COL24A1: variants seen among roughly 807,000 people sequenced by gnomAD.
The protein encoded by COL24A1 is collagen alpha-1(XXIV) chain.
Under a neutral mutation model 253.9 loss-of-function variants are expected in COL24A1, and 224 were observed. The observed-to-expected ratio is 0.88, with a 90% CI of 0.79 to 0.99. The LOEUF (loss-of-function observed/expected upper bound fraction) is 0.99, where lower values mean the gene tolerates loss of function less well. Ranked by LOEUF, COL24A1 falls within the 50% of genes least tolerant of loss-of-function variation. The pLI, the probability that COL24A1 is intolerant of heterozygous loss-of-function variation, is 0.00. For missense variants in COL24A1, 2,131 were observed against 2,068.5 expected (o/e 1.03, Z -0.59); for synonymous variants, 685 against 673.7 (o/e 1.02, Z -0.26).
rs150683608 is a variant in COL24A1 at position 86,040,546 on chromosome 1, G to A, written c.1950+6279C>T. Among the ~76,000 whole-genome samples, 992 of 141,572 alleles carry A rather than the reference G, an allele frequency of 7.0e-3. 14 individuals are homozygous for A. Among genetic ancestry groups the A allele is most frequent in the African/African-American group, 0.025 (951 of 37,770 alleles). 92.9% of individuals were successfully genotyped at this position (141,572 alleles called of 152,430 possible). A position where few individuals can be genotyped will look rare whatever the true frequency, so the allele number is the denominator to read the frequency against. Reference sequence around the variant, plus strand: ...ATAATTGCCATATTCCCATCCATTGGTGTCACATCTCTATGAAATCAATTA... The same window carrying A: ...ATAATTGCCATATTCCCATCCATTGATGTCACATCTCTATGAAATCAATTA... On this transcript the variant is annotated intron_variant, in intron 12 of 59. Transcript: ENST00000370571.
chr1:85,976,744 ATGACAAAATAACC>A (rs1435288107), intron 20 of COL24A1, among the ~76,000 whole-genome samples: 1 of 152,202 alleles, frequency 6.6e-6, no homozygotes, highest in African/African-American at 2.4e-5. Flanking sequence ...ATGGCAACTC[ATGACAAAATAACC>A]TGACAAAATA....
chr1:85,991,522 G>A (rs1057480632), intron 19 of COL24A1, among the ~76,000 whole-genome samples: 3 of 152,142 alleles, frequency 2.0e-5, no homozygotes, highest in African/African-American at 7.2e-5. Flanking sequence ...TGACCTGTGT[G>A]GTAGTTACAA....
intron 47 of COL24A1, among the ~76,000 whole-genome samples, chr1:85,807,924 A>C (rs910507255): frequency 6.6e-5 from 10 of 152,204 alleles, no homozygotes; most frequent in African/African-American, 2.4e-4. Flanking sequence ...TCAGAGTGGA[A>C]GCTTACGAGG....
At position 85,920,125 on chromosome 1, in the gene COL24A1, T is replaced by C. The variant is rs371236081; in HGVS notation, c.2563-8692A>G. The stretch of plus-strand genomic sequence containing the variant: ...GAGATGAGTAAAATATACTAAGGAG[T>C]TCAAAATCCAGTAAATTGGAATAAG... On this transcript the variant is annotated intron_variant, in intron 24 of 59. Transcript: ENST00000370571. 2.1e-3 allele frequency among the ~76,000 whole-genome samples: 317 copies of C among 152,112 alleles called. 4 individuals carry two copies. Among genetic ancestry groups the C allele is most frequent in the African/African-American group, 7.3e-3 (302 of 41,484 alleles).
intron 19 of COL24A1, among the ~76,000 whole-genome samples, chr1:85,993,512 G>GA (rs1162864253): frequency 6.6e-6 from 1 of 151,286 alleles, no homozygotes; most frequent in Non-Finnish European, 1.5e-5. Context: ...AATTAATCTC[G>GA]AGTGACAAAG....
intron 27 of COL24A1, among the ~76,000 whole-genome samples, chr1:85,907,509 C>T (rs1392360220): frequency 6.6e-6 from 1 of 151,854 alleles, no homozygotes; most frequent in Non-Finnish European, 1.5e-5. Flanking sequence ...CTGACCAAGT[C>T]GTTTTCAGAA....
intron 10 of COL24A1, among the ~76,000 whole-genome samples, chr1:86,053,280 C>T (rs1248366592): frequency 1.3e-5 from 2 of 152,032 alleles, no homozygotes; most frequent in Admixed American, 6.6e-5. Context: ...ATATACTTAT[C>T]AGTGAACTAA....
chr1:86,026,750 G>A (rs1698069123), intron 14 of COL24A1, among the ~76,000 whole-genome samples: 1 of 152,204 alleles, frequency 6.6e-6, no homozygotes, highest in African/African-American at 2.4e-5. Flanking sequence ...AAGCAACTTT[G>A]GAACTGGGTA....
intron 24 of COL24A1, among the ~76,000 whole-genome samples, chr1:85,960,400 A>C (rs991817333): frequency 6.6e-6 from 1 of 152,174 alleles, no homozygotes; most frequent in African/African-American, 2.4e-5. Flanking sequence ...TACTTCTAAC[A>C]AATCTGATTC....
At chr1:86,002,732 G>C (rs1695551776) in intron 19 of COL24A1, among the ~76,000 whole-genome samples, 1 of 152,122 alleles carries the variant, frequency 6.6e-6, no homozygotes, top group Non-Finnish European at 1.5e-5. Context: ...ACCCTTCAAA[G>C]ATTCATAAGC....
intron 37 of COL24A1, among the ~76,000 whole-genome samples, chr1:85,866,199 G>T (rs1258950843): frequency 6.6e-6 from 1 of 152,138 alleles, no homozygotes; most frequent in Non-Finnish European, 1.5e-5. Context: ...GGAGGCAGAG[G>T]TTGCAGTGAG....
In COL24A1 at chr1:85,730,597, G is replaced by C; in HGVS notation, c.5094C>G (p.Leu1698=). The C allele has an allele frequency of 6.2e-7, 1 of 1,613,956 alleles. No homozygotes were observed. Among genetic ancestry groups the C allele is most frequent in the South Asian group, 1.1e-5 (1 of 91,062 alleles). The stretch of plus-strand genomic sequence containing the variant: ...CAATGTAATACTTTCGTTCAGTTTT[G>C]AGATGAGGAAGTTTTTGTACTTCAA... The part of the protein sequence containing the change: ...PVIEVQKLPH[L]KTERKYYIDS... The change falls in exon 60 of 60, where the codon CTC becomes CTG. Residue 1698 remains leucine, a synonymous_variant. Coordinates refer to ENST00000370571, the MANE Select transcript of COL24A1 (RefSeq NM_152890.7).
At chr1:86,153,345 C>T (rs1013033547) in intron 1 of COL24A1, among the ~76,000 whole-genome samples, 3 of 152,044 alleles carry the variant, frequency 2.0e-5, no homozygotes, top group Admixed American at 6.6e-5. Flanking sequence ...CATACTCAAT[C>T]ATTGTATCTC....
chr1:85,952,892 TA>T (rs955913798), intron 24 of COL24A1, among the ~76,000 whole-genome samples: 6 of 152,232 alleles, frequency 3.9e-5, no homozygotes, highest in African/African-American at 9.6e-5. Flanking sequence ...TAGTCCTTAA[TA>T]TTTTTTTAGA....
At chr1:86,042,037 T>C (rs568423979) in intron 12 of COL24A1, among the ~76,000 whole-genome samples, 2 of 152,206 alleles carry the variant, frequency 1.3e-5, no homozygotes, top group African/African-American at 4.8e-5. Flanking sequence ...AATTGTGACA[T>C]GTAGGGAGTG....
At chr1:86,109,685 A>G (rs1239130187) in intron 5 of COL24A1, among the ~76,000 whole-genome samples, 1 of 152,216 alleles carries the variant, frequency 6.6e-6, no homozygotes, top group Non-Finnish European at 1.5e-5. Context: ...TCAAAGATTC[A>G]TGAAGTTACT....
intron 52 of COL24A1, among the ~76,000 whole-genome samples, chr1:85,780,521 C>G (rs1469966441): frequency 6.6e-6 from 1 of 152,046 alleles, no homozygotes; most frequent in Non-Finnish European, 1.5e-5. Context: ...CCTCAATTTC[C>G]TCTCCAGACA....
intron 43 of COL24A1, among the ~76,000 whole-genome samples, chr1:85,837,047 G>A (rs1676078991): frequency 6.6e-6 from 1 of 152,208 alleles, no homozygotes; most frequent in Admixed American, 6.5e-5. Flanking sequence ...TCCCGAGACT[G>A]TGTGAAGAAG....
At chr1:85,989,828 T>C (rs181832101) in intron 19 of COL24A1, among the ~76,000 whole-genome samples, 112 of 152,326 alleles carry the variant, frequency 7.4e-4, no homozygotes, top group African/African-American at 2.6e-3. Context: ...AGAACACTTA[T>C]GTTTTAACTA....
Sources: allele counts gnomAD v4.1 joint callset (sites outside exome capture counted in the v4.1 genomes callset), GRCh38; gene constraint gnomAD v4.1.1; transcripts MANE v1.5; gene names NCBI Gene and HGNC (gene_info 2026-07-23, HGNC 2026-07-21).